The following SEMA3A variants were observed in gnomAD, a reference collection of about 807,000 sequenced individuals.
SEMA3A encodes semaphorin-3A.
In SEMA3A, 29 loss-of-function variants were observed where a neutral mutation model predicts 97.9. That is an observed-to-expected ratio of 0.30 (90% CI 0.22 to 0.40). The LOEUF (loss-of-function observed/expected upper bound fraction) is 0.40, where lower values mean the gene tolerates loss of function less well. Ranked by LOEUF, SEMA3A falls within the 10% of genes least tolerant of loss-of-function variation. The pLI is 1.00. For synonymous variants in SEMA3A, 321 were observed against 323.7 expected (o/e 0.99, Z 0.09); for missense variants, 763 against 951.3 (o/e 0.80, Z 2.60).
chr7:84,365,688 C>A (rs185883794), intron 2 of SEMA3A, among the ~76,000 whole-genome samples: 1 of 150,944 alleles, frequency 6.6e-6, no homozygotes, highest in Non-Finnish European at 1.5e-5. Flanking sequence ...TATATTCTTA[C>A]TTTTTTTTGC....
intron 12 of SEMA3A, among the ~76,000 whole-genome samples, chr7:83,998,107 C>A (rs1375146406): frequency 1.5e-5 from 2 of 129,176 alleles, no homozygotes; most frequent in Non-Finnish European, 1.6e-5. Context: ...CTGGAAACTG[C>A]AAAATGCTAA....
At chr7:84,104,313 A>G (rs1795043157) in intron 4 of SEMA3A, among the ~76,000 whole-genome samples, 1 of 152,118 alleles carries the variant, frequency 6.6e-6, no homozygotes, top group Non-Finnish European at 1.5e-5. Context: ...ATTTGTCCAA[A>G]TACTTTACCT....
rs1788403121 is a variant in SEMA3A at position 83,959,940 on chromosome 7, C to T, written c.*1431G>A. ...TTATTTTGTAAGTTGTTGCAGGAAA[C>T]AAAGAATTTTACATTGTTTAAATGT... On this transcript the variant is annotated 3_prime_UTR_variant, in exon 17 of 17. Transcript: ENST00000265362. 6.6e-6 allele frequency: 1 copy of T among 151,994 alleles called. No homozygotes were observed. The highest frequency in any genetic ancestry group is 6.6e-5 in the Admixed American group (1 of 15,244). 9.4% of individuals were successfully genotyped at this position (151,994 alleles called of 1,614,324 possible).
At chr7:83,975,412 T>A (rs1027084652) in intron 15 of SEMA3A, among the ~76,000 whole-genome samples, 5 of 152,114 alleles carry the variant, frequency 3.3e-5, no homozygotes, top group Non-Finnish European at 7.4e-5. Flanking sequence ...CTAAGAGAGA[T>A]CTTATTTTTG....
Position 84,002,157 on chromosome 7 carries a change from C to A in SEMA3A, c.1361-111G>T, listed in dbSNP as rs146282909. 4.1e-4 allele frequency: 240 copies of A among 591,324 alleles called. No individual in the cohort carries two copies. The African/African-American group carries it at 4.1e-3, about 10-fold the overall frequency. The allele number at this position is 591,324 out of a possible 1,614,324, so 36.6% of individuals were successfully genotyped here. ...ACAAAGAACCTTTGATATCGGTCTT[C>A]CTTTTAATTCATTTTTTGGTCAAAA... On this transcript the variant is annotated intron_variant, in intron 11 of 16. Transcript: ENST00000265362.
At position 84,454,254 on chromosome 7, in the gene SEMA3A, C is replaced by A. The variant is rs76187506; in HGVS notation, c.-246+38206G>T. 7.8e-3 allele frequency among the ~76,000 whole-genome samples: 1,188 copies of A among 152,018 alleles called. 15 individuals are homozygous for A. The highest frequency in any genetic ancestry group is 0.027 in the African/African-American group (1,125 of 41,462). Reference sequence around the variant, plus strand: ...TTTGTAATGGCTTTTTTTAAATTACCTATGGAAGATGTCAAGCTGTGTAAT... The same window carrying A: ...TTTGTAATGGCTTTTTTTAAATTACATATGGAAGATGTCAAGCTGTGTAAT... On this transcript the variant is annotated intron_variant, in intron 1 of 3. Coordinates refer to the SEMA3A transcript ENST00000424555.
At chr7:84,021,613 T>G (rs975383047) in intron 6 of SEMA3A, among the ~76,000 whole-genome samples, 1 of 152,238 alleles carries the variant, frequency 6.6e-6, no homozygotes, top group Non-Finnish European at 1.5e-5. Context: ...AATTAGAATC[T>G]ATAAAACTCT....
intron 2 of SEMA3A, among the ~76,000 whole-genome samples, chr7:84,364,846 GA>G (rs10710006): frequency 0.33 from 41,989 of 126,374 alleles, 6,365 homozygotes; most frequent in African/African-American, 0.42. Context: ...AAGAACAAGA[GA>G]AAAAAAAAAA....
chr7:84,344,931 A>G (rs1259304968), intron 2 of SEMA3A, among the ~76,000 whole-genome samples: 1 of 152,176 alleles, frequency 6.6e-6, no homozygotes, highest in Non-Finnish European at 1.5e-5. Flanking sequence ...TTGAAAACAC[A>G]TTCTGGAAAA....
At chr7:84,262,053 G>A (rs1447392452) in intron 3 of SEMA3A, among the ~76,000 whole-genome samples, 1 of 151,830 alleles carries the variant, frequency 6.6e-6, no homozygotes, top group Non-Finnish European at 1.5e-5. Flanking sequence ...TGTTTGTGAA[G>A]ACTTTGTATG....
intron 1 of SEMA3A, among the ~76,000 whole-genome samples, chr7:84,448,083 C>T (rs1467909335): frequency 2.6e-5 from 4 of 152,286 alleles, no homozygotes; most frequent in East Asian, 1.9e-4. Context: ...ATACACCCTT[C>T]GTCGCTCCCT....
At chr7:84,075,850 TTC>T (rs1242963766) in intron 4 of SEMA3A, among the ~76,000 whole-genome samples, 5 of 152,188 alleles carry the variant, frequency 3.3e-5, no homozygotes, top group Non-Finnish European at 7.3e-5. Flanking sequence ...TATATGGCTT[TTC>T]TGTGACTAAG....
chr7:84,052,436 T>C (rs1159227274), intron 5 of SEMA3A, among the ~76,000 whole-genome samples: 1 of 152,178 alleles, frequency 6.6e-6, no homozygotes, highest in Non-Finnish European at 1.5e-5. Flanking sequence ...TGGTTTAGTC[T>C]TGGGAGAGTG....
intron 2 of SEMA3A, among the ~76,000 whole-genome samples, chr7:84,341,662 C>T (rs1802174751): frequency 6.6e-6 from 1 of 152,138 alleles, no homozygotes; most frequent in Admixed American, 6.6e-5. Flanking sequence ...AGCCTTCAGC[C>T]TTCGTCATCT....
intron 4 of SEMA3A, among the ~76,000 whole-genome samples, chr7:84,078,137 T>A (rs1794016414): frequency 1.3e-5 from 2 of 152,068 alleles, no homozygotes; most frequent in Non-Finnish European, 2.9e-5. Flanking sequence ...TTTTTCTCTA[T>A]TTTAAATACT....
intron 1 of SEMA3A, among the ~76,000 whole-genome samples, chr7:84,481,532 A>G (rs1395640129): frequency 2.0e-5 from 3 of 152,194 alleles, no homozygotes; most frequent in Non-Finnish European, 4.4e-5. Context: ...TATCTCTGAT[A>G]TTTCCCCAAA....
chr7:83,977,796 TTTTC>T (rs1267265285), intron 14 of SEMA3A, among the ~76,000 whole-genome samples: 5 of 151,054 alleles, frequency 3.3e-5, no homozygotes, highest in Middle Eastern at 3.4e-3. Context: ...TCCTTTTTTT[TTTTC>T]TTTCTTTCTT....
chr7:84,052,580 T>C (rs1007314209), intron 5 of SEMA3A, among the ~76,000 whole-genome samples: 102 of 152,032 alleles, frequency 6.7e-4, no homozygotes, highest in Non-Finnish European at 1.2e-3. Flanking sequence ...TTTTTTATTG[T>C]GTCTATTTGA....
chr7:84,116,356 T>C (rs1187317187), intron 3 of SEMA3A, among the ~76,000 whole-genome samples: 2 of 152,154 alleles, frequency 1.3e-5, no homozygotes, highest in African/African-American at 4.8e-5. Context: ...CTTTTTTTCA[T>C]GACCAAGTTT....
Sources: allele counts gnomAD v4.1 joint callset (sites outside exome capture counted in the v4.1 genomes callset), GRCh38; gene constraint gnomAD v4.1.1; transcripts MANE v1.5; gene names NCBI Gene and HGNC (gene_info 2026-07-23, HGNC 2026-07-21).